GRB2: variants seen among roughly 807,000 people sequenced by gnomAD.
GRB2 encodes growth factor receptor-bound protein 2.
GRB2 carries 2 observed loss-of-function variants against 27.4 expected under a neutral mutation model. The ratio of observed to expected loss-of-function variants is 0.07; its 90% CI spans 0.03 to 0.23. GRB2 has a LOEUF of 0.23. Among genes scored for constraint, GRB2 ranks in the 10% least tolerant of loss-of-function variants. GRB2 has a pLI of 1.00. For synonymous variants in GRB2, 94 were observed against 99.6 expected (o/e 0.94, Z 0.33); for missense variants, 102 against 282.4 (o/e 0.36, Z 4.58).
At chr17:75,369,195 A>C (rs140589113) in intron 2 of GRB2, among the ~76,000 whole-genome samples, 383 of 152,348 alleles carry the variant, frequency 2.5e-3, no homozygotes, top group African/African-American at 8.7e-3. Context: ...CAGCTTTGGT[A>C]TATAAAAAGA....
intron 2 of GRB2, among the ~76,000 whole-genome samples, chr17:75,375,598 T>A (rs2078887181): frequency 1.3e-5 from 2 of 152,042 alleles, no homozygotes; most frequent in African/African-American, 4.8e-5. Context: ...AAAATAGAAA[T>A]CAGCCGGGCA....
At chr17:75,336,540 T>C (rs1216481591) in intron 2 of GRB2, among the ~76,000 whole-genome samples, 1 of 152,164 alleles carries the variant, frequency 6.6e-6, no homozygotes, top group Non-Finnish European at 1.5e-5. Context: ...TCTCTTCTTG[T>C]CACCTTTACC....
At chr17:75,332,641 G>C (rs2078548954) in intron 3 of GRB2, 59 bp downstream of exon 3, 1 of 923,602 alleles carries the variant, frequency 1.1e-6, no homozygotes, top group African/African-American at 1.6e-5. Context: ...ATTTTAAAAA[G>C]AGTGTTTGAA....
At chr17:75,361,929 A>AT (rs2078784654) in intron 2 of GRB2, among the ~76,000 whole-genome samples, 1 of 151,838 alleles carries the variant, frequency 6.6e-6, no homozygotes, top group Admixed American at 6.6e-5. Context: ...CATACTTGGT[A>AT]TTTTTTCAGA....
chr17:75,396,656 A>G (rs911996210), intron 1 of GRB2, among the ~76,000 whole-genome samples: 9 of 152,084 alleles, frequency 5.9e-5, no homozygotes, highest in African/African-American at 1.9e-4. Context: ...CCAAAGTGCT[A>G]GGAATACAGG....
rs867761148 is a variant in GRB2 at position 75,320,827 on chromosome 17, C to T, written c.469-274G>A. Among the ~76,000 whole-genome samples the T allele has an allele frequency of 4.6e-5, 7 of 152,150 alleles. No individual in the cohort carries two copies. Among genetic ancestry groups the T allele is most frequent in the African/African-American group, 1.4e-4 (6 of 41,430 alleles). On this transcript the variant is annotated intron_variant, in intron 5 of 5. Coordinates refer to ENST00000316804, the MANE Select transcript of GRB2 (RefSeq NM_002086.5). The surrounding 1 kb of genome is among the most constrained non-coding windows in gnomAD (Gnocchi z 4.3). ...CTGTGCCGTATTATCAAGTAGAGGGCAGGCAGTGCTTGGAGGAGAAAGTTC... is the reference window on the plus strand; with the variant it reads ...CTGTGCCGTATTATCAAGTAGAGGGTAGGCAGTGCTTGGAGGAGAAAGTTC...
At chr17:75,402,336 T>C (rs1598260272) in intron 1 of GRB2, among the ~76,000 whole-genome samples, 1 of 152,328 alleles carries the variant, frequency 6.6e-6, no homozygotes, top group Non-Finnish European at 1.5e-5. Context: ...GGCAAATTAA[T>C]GACCCTATTA....
chr17:75,338,801 T>C, intron 2 of GRB2: 1 of 735,588 alleles, frequency 1.4e-6, no homozygotes, highest in Non-Finnish European at 2.5e-6. Context: ...ATACAAGTCC[T>C]TTCTGTGCTG....
rs1470051054 is a variant in GRB2, at chr17:75,403,635, G to A, written c.-138+1854C>T. Among the ~76,000 whole-genome samples, 3 of 152,198 alleles carry A rather than the reference G, an allele frequency of 2.0e-5. No individual in the cohort carries two copies. In the East Asian group the frequency reaches 5.8e-4, roughly 29 times the overall value. ...AAAAATTAGCCAGGTGTGGTGGTGA[G>A]CACCTGTAATCCCAGCTACTCGGGA... On this transcript the variant is annotated intron_variant, in intron 1 of 5. Transcript: ENST00000316804.
intron 2 of GRB2, among the ~76,000 whole-genome samples, chr17:75,356,751 T>C (rs2078736338): frequency 6.6e-6 from 1 of 152,214 alleles, no homozygotes; most frequent in African/African-American, 2.4e-5. Flanking sequence ...TGACTTGGCC[T>C]ATAAGCAGGG....
intron 2 of GRB2, among the ~76,000 whole-genome samples, chr17:75,386,888 G>T (rs563927220): frequency 6.6e-6 from 1 of 152,096 alleles, no homozygotes; most frequent in African/African-American, 2.4e-5. Context: ...TAAGAATGCC[G>T]ATCTTGGCCA....
At chr17:75,333,518 G>T (rs964799473) in intron 2 of GRB2, among the ~76,000 whole-genome samples, 2 of 152,116 alleles carry the variant, frequency 1.3e-5, no homozygotes, top group African/African-American at 4.8e-5. Flanking sequence ...GCAGAACTAA[G>T]CAGCAACAGA....
intron 2 of GRB2, chr17:75,339,012 C>T (rs2078601110): frequency 6.3e-6 from 8 of 1,260,940 alleles, no homozygotes; most frequent in Non-Finnish European, 9.3e-6. Flanking sequence ...AGGCTGAAAC[C>T]ACAAAGAAGA....
chr17:75,382,338 G>T (rs1351518062), intron 2 of GRB2, among the ~76,000 whole-genome samples: 1 of 151,934 alleles, frequency 6.6e-6, no homozygotes, highest in Non-Finnish European at 1.5e-5. Flanking sequence ...CTGTTAAAAC[G>T]AAGAAAAAAA....
chr17:75,320,203 C>T lies in GRB2; in HGVS notation c.*165G>A. The T allele has an allele frequency of 1.8e-6, 1 of 565,014 alleles. No homozygotes were observed. The highest frequency in any genetic ancestry group is 2.7e-5 in the East Asian group (1 of 36,942). The allele number at this position is 565,014 out of a possible 1,614,324, so 35.0% of individuals were successfully genotyped here. A position where few individuals can be genotyped will look rare whatever the true frequency, so the allele number is the denominator to read the frequency against. Reference sequence around the variant, plus strand: ...TTTTGGCATTTTTAAATCCAACGCCCCCTCCCACCCCCTAAAGTTCCAACC... The same window carrying T: ...TTTTGGCATTTTTAAATCCAACGCCTCCTCCCACCCCCTAAAGTTCCAACC... On this transcript the variant is annotated 3_prime_UTR_variant, in exon 6 of 6. Transcript: ENST00000316804. The surrounding 1 kb of genome is among the most constrained non-coding windows in gnomAD (Gnocchi z 4.3).
intron 1 of GRB2, among the ~76,000 whole-genome samples, chr17:75,403,950 C>A (rs1436064799): frequency 1.3e-5 from 2 of 151,876 alleles, no homozygotes; most frequent in Non-Finnish European, 2.9e-5. Context: ...CCCATCTCTA[C>A]TAAAAATACA....
At chr17:75,363,945 CA>C (rs1442483252) in intron 2 of GRB2, among the ~76,000 whole-genome samples, 1 of 145,818 alleles carries the variant, frequency 6.9e-6, no homozygotes, top group East Asian at 2.1e-4. Flanking sequence ...TCTAACTCTA[CA>C]GTTTCACTTT....
chr17:75,374,403 CAAAAAAAA>C (rs56404809), intron 2 of GRB2, among the ~76,000 whole-genome samples: 19 of 88,792 alleles, frequency 2.1e-4, no homozygotes, highest in African/African-American at 8.1e-4. Flanking sequence ...GACTCCATAT[CAAAAAAAA>C]AAAAAAAAAA....
chr17:75,332,721 T>C lies in GRB2; in HGVS notation c.155A>G (p.Tyr52Cys), dbSNP rs1467933469. 1 of 1,606,864 alleles carries C rather than the reference T, an allele frequency of 6.2e-7. No homozygotes were observed. The highest frequency in any genetic ancestry group is 8.5e-7 in the Non-Finnish European group (1 of 1,174,088). Residue 52 changes from tyrosine to cysteine, a missense_variant, in exon 3 of 6, where the codon TAC becomes TGC. Tyr to Cys is a radical substitution (Grantham distance 194). This residue lies in a region of GRB2 where 45 missense variants were observed against 110.6 expected (regional missense o/e 0.41). Transcript: ENST00000316804. ...NGKDGFIPKN[Y>C]IEMKPHPWFF... ...TTACGGATGTGGTTTCATTTCTATG[T>C]AGTTCTTGGGAATGAAGCCGTCTTT...
Sources: gnomAD v4.1 joint callset for allele counts (sites outside exome capture counted in the v4.1 genomes callset) on GRCh38, gnomAD v4.1.1 for gene constraint, gnomAD v4.1.1 regional missense constraint, Gnocchi (gnomAD v3.1) non-coding constraint, MANE v1.5 for transcripts, NCBI Gene and HGNC (gene_info 2026-07-23, HGNC 2026-07-21) for gene names.